The following KLHL29 variants were observed in gnomAD, a reference collection of about 807,000 sequenced individuals.
The protein encoded by KLHL29 is kelch-like protein 29.
A neutral mutation model predicts 80.4 loss-of-function variants in KLHL29; 21 were observed. The observed-to-expected ratio is 0.26, with a 90% CI of 0.19 to 0.38. KLHL29 has a LOEUF of 0.38. KLHL29 is among the 10% of genes least tolerant of loss of function. The pLI, the probability that KLHL29 is intolerant of heterozygous loss-of-function variation, is 1.00. For missense variants in KLHL29, 867 were observed against 1,223.9 expected, an observed-to-expected ratio of 0.71 and a Z score of 4.35; for synonymous variants, 511 against 526.8, an observed-to-expected ratio of 0.97 and a Z score of 0.41.
At chr2:23,588,188 T>G (rs1210601005) in intron 3 of KLHL29, among the ~76,000 whole-genome samples, 1 of 152,288 alleles carries the variant, frequency 6.6e-6, no homozygotes, top group Non-Finnish European at 1.5e-5. Flanking sequence ...CTCCTCCTCC[T>G]GGCCTCCCTG....
In KLHL29 at chr2:23,562,147, C is replaced by T; in HGVS notation, c.-45-5C>T. ...ATCACCCTTCTCTCCACCCTGTCAC[C>T]ACAGGTCCGGGCTCTGTTTCCCTGT... On this transcript the variant is annotated splice_region_variant and splice_polypyrimidine_tract_variant and intron_variant, in intron 2 of 13. Transcript: ENST00000486442. This position sits in a 1 kb window ranked among gnomAD's most constrained non-coding sequence, Gnocchi z 4.5. The T allele has an allele frequency of 6.5e-7, 1 of 1,546,728 alleles. No homozygotes were observed. Among genetic ancestry groups the T allele is most frequent in the African/African-American group, 1.4e-5 (1 of 73,138 alleles).
rs767291434 is a variant in KLHL29, at chr2:23,682,701, C to T, written c.941-1698C>T. ...TCCCACACCCTCCCGCACCCTCCCG[C>T]GCCCTCCCACTGGTGCTCTGAGCCT... On this transcript the variant is annotated intron_variant, in intron 5 of 13. Coordinates refer to ENST00000486442, the MANE Select transcript of KLHL29 (RefSeq NM_052920.2). This position sits in a 1 kb window ranked among gnomAD's most constrained non-coding sequence, Gnocchi z 4.1. Among the ~76,000 whole-genome samples the T allele has an allele frequency of 9.2e-5, 14 of 152,202 alleles. No individual in the cohort carries two copies. The highest frequency in any genetic ancestry group is 3.3e-4 in the Admixed American group (5 of 15,302).
At position 23,466,954 on chromosome 2, in the gene KLHL29, G is replaced by A. The variant is rs574489366; in HGVS notation, c.-153-8606G>A. 3.9e-5 allele frequency among the ~76,000 whole-genome samples: 6 copies of A among 152,260 alleles called. No individual in the cohort carries two copies. The East Asian group carries it at 1.2e-3, about 29-fold the overall frequency. Reference sequence around the variant, plus strand: ...GTAGAAAGATCTTGGGTGAAAGAAAGGACAGTGGCCAGAGAGTTAGGAAGC... The same window carrying A: ...GTAGAAAGATCTTGGGTGAAAGAAAAGACAGTGGCCAGAGAGTTAGGAAGC... On this transcript the variant is annotated intron_variant, in intron 1 of 13. Transcript: ENST00000486442.
At chr2:23,600,188 T>A (rs1572429137) in intron 3 of KLHL29, among the ~76,000 whole-genome samples, 1 of 152,188 alleles carries the variant, frequency 6.6e-6, no homozygotes, top group Non-Finnish European at 1.5e-5. Context: ...TGTAGGCTGG[T>A]TCATAAAAGG....
chr2:23,687,272 G>T (rs968211804), intron 6 of KLHL29, among the ~76,000 whole-genome samples: 10 of 152,162 alleles, frequency 6.6e-5, no homozygotes, highest in African/African-American at 2.4e-4. Context: ...CCAGGGGCAG[G>T]TGATCCCTCC....
intron 11 of KLHL29, among the ~76,000 whole-genome samples, chr2:23,702,289 C>T (rs1672446665): frequency 6.6e-6 from 1 of 152,188 alleles, no homozygotes; most frequent in South Asian, 2.1e-4. Context: ...GTTCAGCCAG[C>T]TTACCTTAAA....
In KLHL29 at chr2:23,642,704, C is replaced by T. The variant is rs559766711; in HGVS notation, c.794C>T (p.Pro265Leu). 9.6e-5 allele frequency: 148 copies of T among 1,548,404 alleles called. No homozygotes were observed. Among genetic ancestry groups the T allele is most frequent in the Middle Eastern group, 3.4e-4 (2 of 5,896 alleles). The change falls in exon 5 of 14, where the codon CCG becomes CTG. Residue 265 changes from proline to leucine, a missense_variant. This residue lies in a region of KLHL29 where 424 missense variants were observed against 456.9 expected (regional missense o/e 0.93). Coordinates refer to ENST00000486442, the MANE Select transcript of KLHL29 (RefSeq NM_052920.2). ...GHMAGPLLPPPPPAQPSATLP... is the reference protein window; with the variant it reads ...GHMAGPLLPPLPPAQPSATLP... ...ATGGCAGGGCCCCTGCTGCCTCCAC[C>T]GCCGCCAGCCCAGCCGTCCGCCACT...
intron 2 of KLHL29, among the ~76,000 whole-genome samples, chr2:23,535,008 T>C (rs1191961455): frequency 1.3e-5 from 2 of 152,030 alleles, no homozygotes; most frequent in Admixed American, 6.5e-5. Flanking sequence ...ATGATTGGGG[T>C]GGTGGTTAGG....
intron 2 of KLHL29, among the ~76,000 whole-genome samples, chr2:23,549,251 C>T (rs1667061394): frequency 6.6e-6 from 1 of 152,204 alleles, no homozygotes; most frequent in Non-Finnish European, 1.5e-5. Context: ...GTGGAAGTGG[C>T]AGCCTGGAAG....
At chr2:23,469,237 C>T (rs1388889088) in intron 1 of KLHL29, among the ~76,000 whole-genome samples, 4 of 152,164 alleles carry the variant, frequency 2.6e-5, no homozygotes, top group Non-Finnish European at 4.4e-5. Flanking sequence ...TGGGAGTAGG[C>T]GCTGTGAGTC....
At chr2:23,701,041 T>TGA (rs1672333209) in intron 11 of KLHL29, among the ~76,000 whole-genome samples, 1 of 148,760 alleles carries the variant, frequency 6.7e-6, no homozygotes, top group Non-Finnish European at 1.5e-5. Context: ...TATCTGACTG[T>TGA]CTGCTGCACA....
In KLHL29 at chr2:23,503,250, C is replaced by T. The variant is rs746289001; in HGVS notation, c.-46+27583C>T. Among the ~76,000 whole-genome samples the T allele has an allele frequency of 3.2e-4, 48 of 152,304 alleles. No individual in the cohort carries two copies. The highest frequency in any genetic ancestry group is 6.5e-4 in the Admixed American group (10 of 15,308). The stretch of plus-strand genomic sequence containing the variant: ...GGCTGCTCCGGGCTGGCCTGGGCCT[C>T]GCTCTGCCTCTGTTGTTGCTCTGAC... On this transcript the variant is annotated intron_variant, in intron 2 of 13. Transcript: ENST00000486442. The surrounding 1 kb of genome is among the most constrained non-coding windows in gnomAD (Gnocchi z 4.0).
At chr2:23,449,173 C>T (rs1397165751) in intron 1 of KLHL29, among the ~76,000 whole-genome samples, 3 of 152,104 alleles carry the variant, frequency 2.0e-5, no homozygotes, top group African/African-American at 7.2e-5. Context: ...CCATGACAAA[C>T]ATGTCTTCTC....
chr2:23,643,183 G>T (rs757863853), intron 5 of KLHL29: 26 of 485,362 alleles, frequency 5.4e-5, no homozygotes, highest in Non-Finnish European at 8.1e-5. Context: ...AGGCCAAGCT[G>T]CAAAAGGGTG....
chr2:23,660,214 A>T (rs1670366652), intron 5 of KLHL29, among the ~76,000 whole-genome samples: 1 of 152,204 alleles, frequency 6.6e-6, no homozygotes, highest in Non-Finnish European at 1.5e-5. Flanking sequence ...CCAGGCAGGC[A>T]TGGACCACCC....
chr2:23,600,076 G>A (rs576327382), intron 3 of KLHL29, among the ~76,000 whole-genome samples: 19 of 152,336 alleles, frequency 1.2e-4, no homozygotes, highest in Non-Finnish European at 2.5e-4. Flanking sequence ...ACATGTATCC[G>A]CATATGTTAG....
At chr2:23,472,813 T>C (rs1162963904) in intron 1 of KLHL29, among the ~76,000 whole-genome samples, 1 of 152,218 alleles carries the variant, frequency 6.6e-6, no homozygotes, top group Non-Finnish European at 1.5e-5. Context: ...GTCACAAAAC[T>C]AAGTGTCAGT....
rs1384268785 is a variant in KLHL29, at chr2:23,563,972, C to G, written c.285+1491C>G. On this transcript the variant is annotated intron_variant, in intron 3 of 13. Transcript: ENST00000486442. ...GAGCGCTGGTCTGACTCAGTGACCT[C>G]TGCCCAGTAGGGCCAGCCGCTGGAC... Among the ~76,000 whole-genome samples, 3 of 152,374 alleles carry G rather than the reference C, an allele frequency of 2.0e-5. No individual in the cohort carries two copies. The East Asian group carries it at 5.8e-4, about 29-fold the overall frequency.
intron 1 of KLHL29, among the ~76,000 whole-genome samples, chr2:23,425,398 T>C (rs1662979404): frequency 6.6e-6 from 1 of 152,072 alleles, no homozygotes; most frequent in Admixed American, 6.5e-5. Flanking sequence ...TGCTAAGGAA[T>C]GTATGGCTTC....
Sources: gnomAD v4.1 joint callset for allele counts (sites outside exome capture counted in the v4.1 genomes callset) on GRCh38, gnomAD v4.1.1 for gene constraint, gnomAD v4.1.1 regional missense constraint, Gnocchi (gnomAD v3.1) non-coding constraint, MANE v1.5 for transcripts, NCBI Gene and HGNC (gene_info 2026-07-23, HGNC 2026-07-21) for gene names.